KDM1A: variants seen among roughly 807,000 people sequenced by gnomAD.
The protein encoded by KDM1A is lysine demethylase 1A, also known as lysine-specific histone demethylase 1A.
KDM1A carries 49 observed loss-of-function variants against 109.4 expected under a neutral mutation model. The observed-to-expected ratio is 0.45, with a 90% CI of 0.36 to 0.57. The LOEUF is 0.57. Ranked by LOEUF, KDM1A falls within the 20% of genes least tolerant of loss-of-function variation. The probability of loss-of-function intolerance (pLI) is 0.00; values close to 1 mark genes in which losing one functional copy is unlikely to be tolerated. For synonymous variants in KDM1A, 380 were observed against 415.4 expected (o/e 0.91, Z 1.04); for missense variants, 668 against 1,116.6 (o/e 0.60, Z 5.73).
At chr1:23,061,103 C>T (rs376940561) in intron 9 of KDM1A, among the ~76,000 whole-genome samples, 2 of 152,264 alleles carry the variant, frequency 1.3e-5, no homozygotes, top group African/African-American at 4.8e-5. Context: ...ATTAGATGAG[C>T]TTTAGCGCAT....
rs373731279 is a variant in KDM1A, at chr1:23,079,519, T to C, written c.2056-34T>C. 631 of 1,531,756 alleles carry C rather than the reference T, an allele frequency of 4.1e-4. No homozygotes were observed. The highest frequency in any genetic ancestry group is 5.5e-4 in the Non-Finnish European group (615 of 1,110,646). The allele number at this position is 1,531,756 out of a possible 1,614,324, so 94.9% of individuals were successfully genotyped here. A position where few individuals can be genotyped will look rare whatever the true frequency, so the allele number is the denominator to read the frequency against. On this transcript the variant is annotated intron_variant, in intron 17 of 20. Transcript: ENST00000400181. This position sits in a 1 kb window ranked among gnomAD's most constrained non-coding sequence, Gnocchi z 5.6. ...GTTGAAGCCAGTATTATCTGGCCCC[T>C]GTCACTGGCTCATGTGCTTCTTTCT...
rs1196945875 is a variant in KDM1A, at chr1:23,042,876, G to A, written c.518-1551G>A. On this transcript the variant is annotated intron_variant, in intron 2 of 20. Coordinates refer to ENST00000400181, the MANE Select transcript of KDM1A (RefSeq NM_001009999.3). ...TGATTCTCCTGCCTCAGCCTCCCGAGTAGCTGGGATTACAGGCGAGCACCA... is the reference window on the plus strand; with the variant it reads ...TGATTCTCCTGCCTCAGCCTCCCGAATAGCTGGGATTACAGGCGAGCACCA... Among the ~76,000 whole-genome samples the A allele has an allele frequency of 3.3e-5, 5 of 151,892 alleles. No homozygotes were observed. The East Asian group carries it at 9.6e-4, about 29-fold the overall frequency.
intron 12 of KDM1A, among the ~76,000 whole-genome samples, chr1:23,070,798 ACT>A (rs1014017404): frequency 1.3e-5 from 2 of 151,070 alleles, no homozygotes; most frequent in African/African-American, 4.9e-5. Context: ...ACAGAGTGAG[ACT>A]CTGTCTCAAA....
In KDM1A at chr1:23,019,473, G is replaced by C; in HGVS notation, c.-124G>C. On this transcript the variant is annotated 5_prime_UTR_variant, in exon 1 of 21. Transcript: ENST00000400181. ...GGCGCGGCGGGAGCGCGCTTGGCGC[G>C]TGCGTACGCGACGGCGGTTGGCGGC... is the stretch of plus-strand genomic sequence containing the variant. The C allele has an allele frequency of 1.6e-6, 2 of 1,251,284 alleles. No individual in the cohort carries two copies. Among genetic ancestry groups the C allele is most frequent in the Non-Finnish European group, 2.0e-6 (2 of 993,114 alleles). 77.5% of individuals were successfully genotyped at this position (1,251,284 alleles called of 1,614,324 possible).
chr1:23,024,142 CCCAA>C (rs1178743307), intron 1 of KDM1A, among the ~76,000 whole-genome samples: 6 of 151,878 alleles, frequency 4.0e-5, no homozygotes, highest in Non-Finnish European at 8.8e-5. Flanking sequence ...AGCCACCTCA[CCCAA>C]CCAAGATTTT....
At chr1:23,074,583 T>C (rs1465614740) in intron 15 of KDM1A, among the ~76,000 whole-genome samples, 1 of 152,164 alleles carries the variant, frequency 6.6e-6, no homozygotes. Flanking sequence ...ATAAAATTTT[T>C]CTTTTAAACC....
chr1:23,058,979 C>T, intron 8 of KDM1A, 94 bp from the exon 9 acceptor site: 2 of 680,006 alleles, frequency 2.9e-6, no homozygotes, highest in East Asian at 3.2e-5. Context: ...AGCTTTTGAG[C>T]TTTTTATATT....
chr1:23,029,153 T>TA (rs1328574972), intron 1 of KDM1A, among the ~76,000 whole-genome samples: 1 of 152,020 alleles, frequency 6.6e-6, no homozygotes, highest in East Asian at 1.9e-4. Context: ...AAAGACAGTA[T>TA]AAAAACAGCT....
chr1:23,069,859 C>T (rs908021143), intron 12 of KDM1A, among the ~76,000 whole-genome samples: 1 of 152,272 alleles, frequency 6.6e-6, no homozygotes. Flanking sequence ...TGCTTCTCCT[C>T]ACCCTGCCAG....
chr1:23,040,138 AT>A (rs1642263596), intron 2 of KDM1A, among the ~76,000 whole-genome samples: 1 of 152,186 alleles, frequency 6.6e-6, no homozygotes, highest in Non-Finnish European at 1.5e-5. Flanking sequence ...TGCTTCCTAG[AT>A]TTAGAAGTTT....
intron 16 of KDM1A, 48 bp downstream of exon 16, chr1:23,077,408 G>T: frequency 1.3e-6 from 2 of 1,575,142 alleles, no homozygotes; most frequent in Non-Finnish European, 1.7e-6. Context: ...CCTGAAACAG[G>T]ACTGATCTTT....
chr1:23,035,531 T>A (rs1411226934), intron 2 of KDM1A, among the ~76,000 whole-genome samples: 1 of 152,118 alleles, frequency 6.6e-6, no homozygotes, highest in Non-Finnish European at 1.5e-5. Context: ...CAAAAATCAT[T>A]GATGTGAGAG....
At chr1:23,021,786 A>G (rs1641639243) in intron 1 of KDM1A, among the ~76,000 whole-genome samples, 1 of 152,194 alleles carries the variant, frequency 6.6e-6, no homozygotes, top group Non-Finnish European at 1.5e-5. Context: ...ACCACAATTG[A>G]TTTTAGAACC....
chr1:23,042,210 A>C (rs1425472677), intron 2 of KDM1A, among the ~76,000 whole-genome samples: 1 of 152,094 alleles, frequency 6.6e-6, no homozygotes, highest in Non-Finnish European at 1.5e-5. Context: ...CCTTCATGAC[A>C]AGAGACTGTC....
intron 3 of KDM1A, among the ~76,000 whole-genome samples, chr1:23,048,223 G>T (rs1456460160): frequency 2.0e-5 from 3 of 151,520 alleles, no homozygotes; most frequent in African/African-American, 7.3e-5. Context: ...TTTATAATGT[G>T]AGTTATTTTT....
intron 3 of KDM1A, among the ~76,000 whole-genome samples, chr1:23,048,287 G>C (rs1265187791): frequency 6.6e-6 from 1 of 152,002 alleles, no homozygotes; most frequent in Non-Finnish European, 1.5e-5. Context: ...ATTTGGGAAT[G>C]GGAGCTGGGG....
At chr1:23,068,438 A>G (rs547106000) in intron 10 of KDM1A, 101 bp from the exon 11 acceptor site, 7 of 911,830 alleles carry the variant, frequency 7.7e-6, no homozygotes, top group Admixed American at 6.4e-5. Context: ...CCCCTTTGAG[A>G]TACATATTTT....
At chr1:23,065,436 A>G (rs1456677793) in intron 9 of KDM1A, among the ~76,000 whole-genome samples, 2 of 152,186 alleles carry the variant, frequency 1.3e-5, no homozygotes, top group Non-Finnish European at 2.9e-5. Context: ...AGGGACAAGT[A>G]TTTTATGTAT....
chr1:23,030,315 T>G (rs1251698135), intron 1 of KDM1A, among the ~76,000 whole-genome samples, 154 bp from the exon 2 acceptor site: 1 of 152,248 alleles, frequency 6.6e-6, no homozygotes, highest in Non-Finnish European at 1.5e-5. Context: ...TTGTTTTTAA[T>G]AACTACCTAT....
Sources: gnomAD v4.1 joint callset for allele counts (sites outside exome capture counted in the v4.1 genomes callset) on GRCh38, gnomAD v4.1.1 for gene constraint, Gnocchi (gnomAD v3.1) non-coding constraint, MANE v1.5 for transcripts, NCBI Gene and HGNC (gene_info 2026-07-23, HGNC 2026-07-21) for gene names.